The following ECI2 variants were observed in gnomAD, a reference collection of about 807,000 sequenced individuals.
ECI2 encodes D3,D2-enoyl-CoA isomerase.
A neutral mutation model predicts 38.4 loss-of-function variants in ECI2; 27 were observed. That is an observed-to-expected ratio of 0.70 (90% CI 0.52 to 0.97). ECI2 has a LOEUF of 0.97. Among genes scored for constraint, ECI2 ranks in the 50% least tolerant of loss-of-function variants. ECI2 has a pLI of 0.00. For synonymous variants in ECI2, 168 were observed against 172.0 expected, an observed-to-expected ratio of 0.98 and a Z score of 0.18; for missense variants, 470 against 474.4, an observed-to-expected ratio of 0.99 and a Z score of 0.09.
chr6:4,127,388 GA>G (rs1378106504), intron 5 of ECI2, among the ~76,000 whole-genome samples: 1 of 143,840 alleles, frequency 7.0e-6, no homozygotes, highest in East Asian at 2.0e-4. Flanking sequence ...GACAGTACTG[GA>G]AAAGATCTTA....
chr6:4,127,138 CATTT>C (rs1773213400), intron 5 of ECI2, among the ~76,000 whole-genome samples: 2 of 152,194 alleles, frequency 1.3e-5, no homozygotes, highest in South Asian at 4.1e-4. Flanking sequence ...TTGTGTATAT[CATTT>C]ATTCCATTTT....
chr6:4,135,244 C>T (rs764173652), intron 1 of ECI2: 106 of 1,031,060 alleles, frequency 1.0e-4, no homozygotes, highest in Non-Finnish European at 1.5e-4. Context: ...TGCGCGGAGG[C>T]AGGCGGAGAC....
intron 7 of ECI2, among the ~76,000 whole-genome samples, chr6:4,120,445 G>T (rs1360288646): frequency 1.3e-5 from 2 of 152,132 alleles, no homozygotes; most frequent in African/African-American, 4.8e-5. Context: ...AGAAAAGGTA[G>T]GCCGGGTGTG....
At chr6:4,127,717 C>T in intron 5 of ECI2, 45 bp downstream of exon 5, 1 of 1,587,198 alleles carries the variant, frequency 6.3e-7, no homozygotes, top group Non-Finnish European at 8.6e-7. Flanking sequence ...TTAAGAGGCC[C>T]CTCAAAATAG....
At chr6:4,125,668 G>C (rs1041716676) in intron 6 of ECI2, 3 of 456,722 alleles carry the variant, frequency 6.6e-6, no homozygotes, top group African/African-American at 5.9e-5. Flanking sequence ...CAGTCTTAGA[G>C]ATTAGGTTGG....
intron 1 of ECI2, 144 bp downstream of exon 1, chr6:4,135,367 T>C (rs1773675312): frequency 1.3e-6 from 2 of 1,515,548 alleles, no homozygotes; most frequent in Admixed American, 2.0e-5. Context: ...TTTTTAGCAC[T>C]ACCTCACCGG....
rs746632168 is a variant in ECI2 at position 4,127,780 on chromosome 6, T to C, written c.553A>G (p.Ile185Val). ...ALKAASKDDSIITVLTGNGDY... is the reference protein window; with the variant it reads ...ALKAASKDDSVITVLTGNGDY... ...GTCTTACCTGTTAAAACAGTGATGATTGAGTCATCCTTGCTGGCAGCTTTA... is the reference window on the plus strand; with the variant it reads ...GTCTTACCTGTTAAAACAGTGATGACTGAGTCATCCTTGCTGGCAGCTTTA... Residue 185 changes from isoleucine to valine, a missense_variant, in exon 5 of 10, where the codon ATC (isoleucine) becomes GTC (valine). Ile to Val is a conservative substitution (Grantham distance 29). Transcript: ENST00000380118. 8 of 1,613,286 alleles carry C rather than the reference T, an allele frequency of 5.0e-6. No individual in the cohort carries two copies. The highest frequency in any genetic ancestry group is 2.2e-5 in the East Asian group (1 of 44,862).
intron 7 of ECI2, among the ~76,000 whole-genome samples, chr6:4,124,344 T>C (rs946286818): frequency 1.3e-5 from 2 of 152,226 alleles, no homozygotes; most frequent in African/African-American, 2.4e-5. Context: ...AAGGATGCTA[T>C]TATATGGTCC....
chr6:4,130,985 G>T, intron 2 of ECI2, 120 bp from the exon 3 acceptor site: 2 of 886,720 alleles, frequency 2.3e-6, no homozygotes, highest in Non-Finnish European at 1.7e-6. Flanking sequence ...CACAGGGTAT[G>T]TAAATTGATC....
chr6:4,129,355 C>T (rs1488440744), intron 4 of ECI2, among the ~76,000 whole-genome samples: 3 of 152,204 alleles, frequency 2.0e-5, no homozygotes, highest in Non-Finnish European at 4.4e-5. Flanking sequence ...CTCAAGTGAT[C>T]TGCCCACCTT....
rs566211752 is a variant in ECI2, at chr6:4,130,438, G to T, written c.435C>A (p.Thr145=). ...KSTGFETLVV[T]SEDGITKIMF... The stretch of plus-strand genomic sequence containing the variant: ...TGATCTTTGTGATGCCATCTTCGGA[G>T]GTCACCACCAGAGTTTCAAACCCAG... Residue 145 remains threonine (T), a synonymous_variant, in exon 4 of 10, where the codon ACC becomes ACA. Coordinates refer to ENST00000380118, the MANE Select transcript of ECI2 (RefSeq NM_206836.3). 5 of 1,614,156 alleles carry T rather than the reference G, an allele frequency of 3.1e-6. No individual in the cohort carries two copies. The highest frequency in any genetic ancestry group is 4.2e-6 in the Non-Finnish European group (5 of 1,180,028).
intron 9 of ECI2, among the ~76,000 whole-genome samples, chr6:4,116,386 T>G (rs567980765): frequency 6.3e-4 from 96 of 151,806 alleles, no homozygotes; most frequent in Non-Finnish European, 2.9e-5. Context: ...AGGAGTGAGA[T>G]TATTCTATGA....
rs370913419 is a variant in ECI2, at chr6:4,125,210, G to A, written c.795+40C>T. 24 of 1,607,382 alleles carry A rather than the reference G, an allele frequency of 1.5e-5. No individual in the cohort carries two copies. In the African/African-American group the frequency reaches 1.6e-4, roughly 11 times the overall value. ...GAGGATTCAAAGGCTCTCATCTCGC[G>A]CTGCTTGCCTGACCTCTTGCTTTCT... On this transcript the variant is annotated intron_variant, in intron 7 of 9. Coordinates refer to ENST00000380118, the MANE Select transcript of ECI2 (RefSeq NM_206836.3).
At chr6:4,125,815 C>A (rs563595366) in intron 6 of ECI2, 1 of 455,316 alleles carries the variant, frequency 2.2e-6, no homozygotes, top group African/African-American at 2.0e-5. Flanking sequence ...TCATGGAAAT[C>A]TCCCATTCCT....
chr6:4,126,559 C>T (rs954607206), intron 5 of ECI2, among the ~76,000 whole-genome samples: 1 of 152,114 alleles, frequency 6.6e-6, no homozygotes, highest in Non-Finnish European at 1.5e-5. Flanking sequence ...GAAGGAGAGG[C>T]CAGGTGGGCT....
At chr6:4,135,480 A>T in intron 1 of ECI2, 31 bp downstream of exon 1, 1 of 1,580,320 alleles carries the variant, frequency 6.3e-7, no homozygotes, top group Non-Finnish European at 8.6e-7. Flanking sequence ...GCGGGCGACC[A>T]TGGGCCGAAC....
At chr6:4,121,938 T>A (rs763003988) in intron 7 of ECI2, 1 of 1,524,816 alleles carries the variant, frequency 6.6e-7, no homozygotes, top group South Asian at 1.3e-5. Context: ...TCTTCTTTTT[T>A]TATCCAAAAG....
chr6:4,127,716 C>A, intron 5 of ECI2, 46 bp downstream of exon 5: 2 of 1,574,416 alleles, frequency 1.3e-6, no homozygotes, highest in Non-Finnish European at 1.7e-6. Context: ...ATTAAGAGGC[C>A]CCTCAAAATA....
intron 5 of ECI2, among the ~76,000 whole-genome samples, chr6:4,126,951 C>T (rs1773201225): frequency 6.6e-6 from 1 of 152,158 alleles, no homozygotes; most frequent in South Asian, 2.1e-4. Flanking sequence ...AAAAGTTTCC[C>T]GTAGGCTCCT....
Sources: allele counts gnomAD v4.1 joint callset (sites outside exome capture counted in the v4.1 genomes callset), GRCh38; gene constraint gnomAD v4.1.1; transcripts MANE v1.5; gene names NCBI Gene and HGNC (gene_info 2026-07-23, HGNC 2026-07-21).